TRHDE: variants seen among roughly 807,000 people sequenced by gnomAD.
TRHDE encodes the protein thyrotropin releasing hormone degrading enzyme.
A neutral mutation model predicts 125.7 loss-of-function variants in TRHDE; 72 were observed. The observed-to-expected ratio is 0.57, with a 90% confidence interval of 0.47 to 0.70. The LOEUF (loss-of-function observed/expected upper bound fraction) is 0.70, where lower values mean the gene tolerates loss of function less well. TRHDE is among the 30% of genes least tolerant of loss of function. The pLI is 0.00. For synonymous variants in TRHDE, 509 were observed against 509.1 expected, an observed-to-expected ratio of 1.00 and a Z score of 0.00; for missense variants, 1,110 against 1,327.1, an observed-to-expected ratio of 0.84 and a Z score of 2.54.
At chr12:72,653,229 G>A in intron 17 of TRHDE, 73 bp downstream of exon 17, 1 of 1,324,452 alleles carries the variant, frequency 7.6e-7, no homozygotes, top group Middle Eastern at 2.4e-4. Context: ...CAAGTTTTGT[G>A]TTAAAGCTAA....
At chr12:72,285,466 T>C (rs567983611) in intron 1 of TRHDE, among the ~76,000 whole-genome samples, 1 of 152,270 alleles carries the variant, frequency 6.6e-6, no homozygotes, top group South Asian at 2.1e-4. Context: ...TTTAATTAAC[T>C]TTTGTCATGA....
At chr12:72,531,302 A>T (rs772355988) in intron 6 of TRHDE, among the ~76,000 whole-genome samples, 1 of 151,900 alleles carries the variant, frequency 6.6e-6, no homozygotes, top group East Asian at 1.9e-4. Context: ...CCATTTTCCA[A>T]TGGGGTCTTT....
chr12:72,663,117 T>C lies in TRHDE; in HGVS notation c.3132T>C (p.Thr1044=), dbSNP rs1356121951. Reference sequence around the variant, plus strand: ...CTTCTTTCTCACGAGCTGTGGAAACTGTCGAAGCCAATGTGCGCTGGAAAA... The same window carrying C: ...CTTCTTTCTCACGAGCTGTGGAAACCGTCGAAGCCAATGTGCGCTGGAAAA... ...AAASFSRAVE[T]VEANVRWKML... The change falls in exon 19 of 19, where the codon ACT becomes ACC. Residue 1044 remains threonine (T), a synonymous_variant. Transcript: ENST00000261180. The C allele has an allele frequency of 1.1e-5, 17 of 1,613,186 alleles. No individual in the cohort carries two copies. The highest frequency in any genetic ancestry group is 1.4e-5 in the Non-Finnish European group (17 of 1,179,558).
chr12:72,112,116 A>T (rs1875329793), intron 2 of TRHDE, among the ~76,000 whole-genome samples: 1 of 152,190 alleles, frequency 6.6e-6, no homozygotes, highest in Admixed American at 6.6e-5. Flanking sequence ...TTGCTTTAAT[A>T]TATGAGCCAC....
intron 2 of TRHDE, among the ~76,000 whole-genome samples, chr12:72,129,015 A>C (rs1875790662): frequency 6.6e-6 from 1 of 152,246 alleles, no homozygotes. Context: ...ACCAGTGTTA[A>C]AGAGGAAATA....
intron 2 of TRHDE, among the ~76,000 whole-genome samples, chr12:72,218,660 T>C (rs1877943107): frequency 6.6e-6 from 1 of 152,086 alleles, no homozygotes; most frequent in Admixed American, 6.6e-5. Context: ...TTCTGGGGGC[T>C]TTGGGCAATC....
intron 15 of TRHDE, among the ~76,000 whole-genome samples, chr12:72,640,182 C>G (rs1158753890): frequency 6.6e-6 from 1 of 152,242 alleles, no homozygotes; most frequent in African/African-American, 2.4e-5. Context: ...ACCCTCCGAG[C>G]CAGGTGCGGG....
intron 12 of TRHDE, among the ~76,000 whole-genome samples, chr12:72,598,957 C>T (rs1297318935): frequency 6.6e-6 from 1 of 152,174 alleles, no homozygotes. Flanking sequence ...TTGTTTAGCT[C>T]CCACTTATAA....
At chr12:72,407,247 G>A (rs936034061) in intron 3 of TRHDE, among the ~76,000 whole-genome samples, 2 of 152,194 alleles carry the variant, frequency 1.3e-5, no homozygotes, top group Non-Finnish European at 2.9e-5. Flanking sequence ...GAGGACTCAT[G>A]TCTGACTTGC....
chr12:72,378,022 A>G lies in TRHDE; in HGVS notation c.1216A>G (p.Ile406Val). 2 of 1,602,110 alleles carry G rather than the reference A, an allele frequency of 1.2e-6. No individual in the cohort carries two copies. The highest frequency in any genetic ancestry group is 1.7e-6 in the Non-Finnish European group (2 of 1,174,426). Residue 406 changes from isoleucine to valine, a missense_variant, in exon 3 of 19, where the codon ATC becomes GTC. By Grantham distance (29) the Ile-to-Val change is conservative. Transcript: ENST00000261180. The stretch of plus-strand genomic sequence containing the variant: ...ACGATTATATGCAAGACCTGATGCT[A>G]TCAGAAGAGGATCCGGGGACTATGC... ...VVRLYARPDAIRRGSGDYALH... is the reference protein window; with the variant it reads ...VVRLYARPDAVRRGSGDYALH...
At chr12:72,126,384 T>G (rs1333803297) in intron 2 of TRHDE, among the ~76,000 whole-genome samples, 1 of 151,986 alleles carries the variant, frequency 6.6e-6, no homozygotes, top group Non-Finnish European at 1.5e-5. Flanking sequence ...GAACCAAAAA[T>G]GAGCCCAATT....
intron 2 of TRHDE, among the ~76,000 whole-genome samples, chr12:72,138,082 AAAAAC>A (rs1224886274): frequency 2.6e-5 from 4 of 152,216 alleles, no homozygotes; most frequent in African/African-American, 9.6e-5. Flanking sequence ...ATTGGCATTT[AAAAAC>A]AAAAACAGGC....
intron 2 of TRHDE, among the ~76,000 whole-genome samples, chr12:72,342,076 T>C (rs1432024817): frequency 6.6e-6 from 1 of 152,132 alleles, no homozygotes; most frequent in African/African-American, 2.4e-5. Context: ...CCCAAATTTC[T>C]GTGGAGTGAT....
intron 2 of TRHDE, among the ~76,000 whole-genome samples, chr12:72,242,692 A>T (rs1170561357): frequency 6.6e-6 from 1 of 152,156 alleles, no homozygotes; most frequent in Non-Finnish European, 1.5e-5. Flanking sequence ...AGGGCAAAAA[A>T]GATAACTCAC....
chr12:72,558,059 GAGAA>G (rs1185660522), intron 7 of TRHDE, among the ~76,000 whole-genome samples: 4 of 151,888 alleles, frequency 2.6e-5, no homozygotes, highest in African/African-American at 9.7e-5. Flanking sequence ...GAGAGAGAGA[GAGAA>G]AGCACCTATT....
chr12:72,597,766 C>CAT (rs1872040110), intron 12 of TRHDE, among the ~76,000 whole-genome samples: 1 of 110,354 alleles, frequency 9.1e-6, no homozygotes, highest in Non-Finnish European at 1.9e-5. Flanking sequence ...TATGCATACA[C>CAT]ACACAAATAC....
In TRHDE at chr12:72,566,445, A is replaced by G. The variant is rs552837738; in HGVS notation, c.2043-2123A>G. On this transcript the variant is annotated intron_variant, in intron 9 of 18. Transcript: ENST00000261180. ...ACTTGTATCTGAACAGCTGTGTGAT[A>G]CAATGCCTGACATTTAGGAAGTGCT... 1.8e-4 allele frequency among the ~76,000 whole-genome samples: 27 copies of G among 151,226 alleles called. No individual in the cohort carries two copies. The South Asian group carries it at 5.2e-3, about 29-fold the overall frequency.
intron 2 of TRHDE, among the ~76,000 whole-genome samples, chr12:72,352,367 A>G (rs1463271186): frequency 1.3e-5 from 2 of 151,812 alleles, no homozygotes; most frequent in Non-Finnish European, 2.9e-5. Context: ...GAATTCTTGT[A>G]TAGATCACCT....
chr12:72,494,631 T>C (rs1480426117), intron 5 of TRHDE, among the ~76,000 whole-genome samples: 1 of 152,032 alleles, frequency 6.6e-6, no homozygotes, highest in Non-Finnish European at 1.5e-5. Flanking sequence ...TGACTGTAGC[T>C]ACACCAGGCA....
Sources: allele counts gnomAD v4.1 joint callset (sites outside exome capture counted in the v4.1 genomes callset), GRCh38; gene constraint gnomAD v4.1.1; transcripts MANE v1.5; gene names NCBI Gene and HGNC (gene_info 2026-07-23, HGNC 2026-07-21).